ADSL: variants seen among roughly 807,000 people sequenced by gnomAD.
ADSL encodes adenylosuccinase.
Under a neutral mutation model 62.1 loss-of-function variants are expected in ADSL, and 44 were observed. The ratio of observed to expected loss-of-function variants is 0.71; its 90% CI spans 0.56 to 0.91. ADSL has a LOEUF of 0.91. ADSL is among the 40% of genes least tolerant of loss of function. ADSL has a pLI of 0.00. For synonymous variants in ADSL, 198 were observed against 220.5 expected, an observed-to-expected ratio of 0.90 and a Z score of 0.90; for missense variants, 531 against 627.4, an observed-to-expected ratio of 0.85 and a Z score of 1.64.
chr22:40,374,945 A>G (rs148358141), intron 2 of ADSL, among the ~76,000 whole-genome samples: 4 of 152,252 alleles, frequency 2.6e-5, no homozygotes, highest in Non-Finnish European at 5.9e-5. Context: ...ACAAGGCTAG[A>G]TTTTCAGTGT....
intron 2 of ADSL, 155 bp downstream of exon 2, chr22:40,350,190 C>T: frequency 1.4e-6 from 1 of 689,784 alleles, no homozygotes. Flanking sequence ...AGTGCAGTGG[C>T]ACGGCTCACT....
At chr22:40,350,693 A>ACTGCAACCTCTGCCTCC (rs2044313292) in intron 2 of ADSL, among the ~76,000 whole-genome samples, 1 of 151,378 alleles carries the variant, frequency 6.6e-6, no homozygotes, top group Non-Finnish European at 1.5e-5. Context: ...ATCTTGGCTC[A>ACTGCAACCTCTGCCTCC]CTGCAACCTC....
chr22:40,357,222 CAG>C (rs2044597811), intron 4 of ADSL, among the ~76,000 whole-genome samples: 1 of 145,612 alleles, frequency 6.9e-6, no homozygotes, highest in African/African-American at 2.5e-5. Context: ...TGTTCAGAAA[CAG>C]ACCTTCAGTG....
chr22:40,361,723 C>T, intron 9 of ADSL, 88 bp downstream of exon 9: 1 of 1,519,792 alleles, frequency 6.6e-7, no homozygotes, highest in East Asian at 2.3e-5. Context: ...TTGAGCATCT[C>T]TACAGTCTCC....
intron 4 of ADSL, among the ~76,000 whole-genome samples, chr22:40,358,336 C>T (rs1297274778): frequency 2.0e-5 from 3 of 152,152 alleles, no homozygotes; most frequent in Admixed American, 2.0e-4. Context: ...GTAATCCCAA[C>T]ACTTTGGAAG....
chr22:40,356,258 C>T (rs185164064), intron 4 of ADSL, among the ~76,000 whole-genome samples: 4 of 150,820 alleles, frequency 2.7e-5, no homozygotes, highest in African/African-American at 7.3e-5. Context: ...GCTGGGCAGC[C>T]GGGCGCAGTG....
Position 40,358,970 on chromosome 22 carries a change from G to C in ADSL, c.589G>C (p.Gly197Arg), listed in dbSNP as rs1229545881. 6.2e-7 allele frequency: 1 copy of C among 1,614,150 alleles called. No individual in the cohort carries two copies. Among genetic ancestry groups the C allele is most frequent in the Non-Finnish European group, 8.5e-7 (1 of 1,180,034 alleles). ...TGTCCGAGATGACCTGCGCTTCCGGGGAGTAAAGGGTACCACTGGCACTCA... is the reference window on the plus strand; with the variant it reads ...TGTCCGAGATGACCTGCGCTTCCGGCGAGTAAAGGGTACCACTGGCACTCA... ...KRVRDDLRFRGVKGTTGTQAS... is the reference protein window; with the variant it reads ...KRVRDDLRFRRVKGTTGTQAS... Residue 197 changes from glycine (G) to arginine (R), a missense_variant, in exon 5 of 13, where the codon GGA becomes CGA. Around this residue, in one of 2 missense-constraint regions of ADSL, gnomAD observed 471 missense variants for 592.9 expected, o/e 0.79. Transcript: ENST00000623063.
intron 12 of ADSL, among the ~76,000 whole-genome samples, 165 bp from the exon 13 acceptor site, chr22:40,366,271 T>A (rs1038219194): frequency 2.0e-5 from 3 of 152,206 alleles, no homozygotes; most frequent in African/African-American, 7.2e-5. Flanking sequence ...GAATCATCTG[T>A]GTCTAGGCAG....
intron 2 of ADSL, among the ~76,000 whole-genome samples, chr22:40,381,702 A>G (rs2047608390): frequency 6.6e-6 from 1 of 152,064 alleles, no homozygotes; most frequent in Non-Finnish European, 1.5e-5. Context: ...CACCAGTAAT[A>G]CCAGCACTTT....
At chr22:40,353,415 C>A (rs1473898514) in intron 3 of ADSL, 1 of 702,272 alleles carries the variant, frequency 1.4e-6, no homozygotes, top group Admixed American at 2.0e-5. Flanking sequence ...GTCTCAGTCT[C>A]CCAAGTAGGT....
chr22:40,379,839 A>G (rs2047268100), intron 2 of ADSL, among the ~76,000 whole-genome samples: 1 of 151,878 alleles, frequency 6.6e-6, no homozygotes. Flanking sequence ...TTCCTGAGTA[A>G]TCTGGGACTA....
At position 40,364,917 on chromosome 22, in the gene ADSL, C is replaced by T. The variant is rs542937686; in HGVS notation, c.1229C>T (p.Ala410Val). The T allele has an allele frequency of 1.2e-6, 2 of 1,614,218 alleles. No individual in the cohort carries two copies. Among genetic ancestry groups the T allele is most frequent in the East Asian group, 2.2e-5 (1 of 44,884 alleles). ...HEKIRVLSQQ[A>V]ASVVKQEGGD... ...AAAATCAGAGTGCTTTCTCAGCAGGCAGCTTCTGTGGTTAAGCAGGAAGGG... is the reference window on the plus strand; with the variant it reads ...AAAATCAGAGTGCTTTCTCAGCAGGTAGCTTCTGTGGTTAAGCAGGAAGGG... Residue 410 changes from alanine to valine, a missense_variant, in exon 12 of 13, where the codon GCA becomes GTA. Ala to Val is a moderately conservative substitution (Grantham distance 64). This residue lies in a region of ADSL where 471 missense variants were observed against 592.9 expected (regional missense o/e 0.79). Transcript: ENST00000623063.
chr22:40,374,308 G>C (rs1437558477), downstream of ADSL, among the ~76,000 whole-genome samples: 1 of 152,184 alleles, frequency 6.6e-6, no homozygotes, highest in African/African-American at 2.4e-5. Flanking sequence ...TTGTGAAGAT[G>C]TCACTGGACT....
chr22:40,365,139 G>A (rs1162435146), intron 12 of ADSL, 83 bp downstream of exon 12: 1 of 1,392,192 alleles, frequency 7.2e-7, no homozygotes, highest in African/African-American at 1.4e-5. Flanking sequence ...TAGGAGGTAT[G>A]GTGGGAATGG....
At chr22:40,381,082 A>G (rs1852498133) in intron 2 of ADSL, among the ~76,000 whole-genome samples, 1 of 152,232 alleles carries the variant, frequency 6.6e-6, no homozygotes, top group Non-Finnish European at 1.5e-5. Context: ...TAATTAGGAA[A>G]GGTTATAGAA....
intron 1 of ADSL, chr22:40,348,737 G>T (rs987988937): frequency 7.6e-6 from 3 of 396,598 alleles, no homozygotes; most frequent in African/African-American, 4.1e-5. Context: ...GCCATATCTG[G>T]CTAGTAGCTC....
intron 3 of ADSL, chr22:40,353,559 C>A: frequency 3.5e-6 from 2 of 565,350 alleles, no homozygotes; most frequent in Non-Finnish European, 6.3e-6. Flanking sequence ...GTTGGGATTA[C>A]AGGTGTGAGC....
chr22:40,350,215 C>T (rs2044293352), intron 2 of ADSL, 180 bp downstream of exon 2: 2 of 604,916 alleles, frequency 3.3e-6, no homozygotes, highest in East Asian at 2.9e-5. Flanking sequence ...GCTCCGCCTC[C>T]TGGGTTCACA....
downstream of ADSL, among the ~76,000 whole-genome samples, chr22:40,371,290 C>T (rs1455419699): frequency 6.6e-6 from 1 of 152,190 alleles, no homozygotes; most frequent in African/African-American, 2.4e-5. Flanking sequence ...CTGACCTAGG[C>T]TCTTTTTTAT....
Sources: allele counts gnomAD v4.1 joint callset (sites outside exome capture counted in the v4.1 genomes callset), GRCh38; gene constraint gnomAD v4.1.1; regional missense constraint gnomAD v4.1.1; transcripts MANE v1.5; gene names NCBI Gene and HGNC (gene_info 2026-07-23, HGNC 2026-07-21).